The following GALNTL6 variants were observed in gnomAD, a reference collection of about 807,000 sequenced individuals.
GALNTL6 encodes the protein polypeptide N-acetylgalactosaminyltransferase-like 6.
A neutral mutation model predicts 73.7 loss-of-function variants in GALNTL6; 46 were observed. The ratio of observed to expected loss-of-function variants is 0.62; its 90% CI spans 0.49 to 0.80. GALNTL6 has a LOEUF of 0.80. GALNTL6 is among the 30% of genes least tolerant of loss of function. The pLI is 0.00. For missense variants in GALNTL6, 604 were observed against 755.0 expected (o/e 0.80, Z 2.34); for synonymous variants, 259 against 263.7 (o/e 0.98, Z 0.17).
chr4:171,930,381 A>C (rs1460588581), intron 2 of GALNTL6, among the ~76,000 whole-genome samples: 15 of 152,232 alleles, frequency 9.9e-5, no homozygotes, highest in Non-Finnish European at 1.9e-4. Context: ...ACCACAGCCT[A>C]TGCGCCACAC....
intron 2 of GALNTL6, among the ~76,000 whole-genome samples, chr4:172,201,495 G>C (rs1183332263): frequency 6.6e-6 from 1 of 151,616 alleles, no homozygotes; most frequent in East Asian, 1.9e-4. Flanking sequence ...ATGAGCCACG[G>C]CACCGGGACT....
chr4:172,458,371 A>G (rs1415291031), intron 5 of GALNTL6, among the ~76,000 whole-genome samples: 1 of 151,746 alleles, frequency 6.6e-6, no homozygotes, highest in Non-Finnish European at 1.5e-5. Flanking sequence ...AACTAAGATC[A>G]GAGCAGAACT....
At chr4:172,313,823 C>A (rs1208264448) in intron 4 of GALNTL6, among the ~76,000 whole-genome samples, 1 of 152,068 alleles carries the variant, frequency 6.6e-6, no homozygotes, top group Non-Finnish European at 1.5e-5. Flanking sequence ...ACAACAGCAA[C>A]AAAAACCTTG....
At chr4:172,343,821 G>A (rs1347232595) in intron 4 of GALNTL6, among the ~76,000 whole-genome samples, 3 of 151,742 alleles carry the variant, frequency 2.0e-5, no homozygotes, top group Admixed American at 6.6e-5. Flanking sequence ...TTCACGACTT[G>A]TCATTTCTCT....
At chr4:172,000,546 C>A (rs1012448456) in intron 2 of GALNTL6, among the ~76,000 whole-genome samples, 4 of 152,098 alleles carry the variant, frequency 2.6e-5, no homozygotes, top group African/African-American at 9.7e-5. Flanking sequence ...CTTGCCGAAG[C>A]AGGGAAAGGT....
At chr4:172,421,911 A>G (rs1428588394) in intron 5 of GALNTL6, among the ~76,000 whole-genome samples, 1 of 149,802 alleles carries the variant, frequency 6.7e-6, no homozygotes, top group Non-Finnish European at 1.5e-5. Flanking sequence ...AATAGAGTGA[A>G]GAACTATTTT....
intron 3 of GALNTL6, among the ~76,000 whole-genome samples, chr4:172,269,710 T>C (rs1214866427): frequency 6.6e-6 from 1 of 151,588 alleles, no homozygotes; most frequent in African/African-American, 2.4e-5. Flanking sequence ...ATCTGAGTCC[T>C]GTTTTTATGC....
chr4:171,869,936 C>T (rs1315600602), intron 2 of GALNTL6, among the ~76,000 whole-genome samples: 1 of 152,122 alleles, frequency 6.6e-6, no homozygotes. Context: ...TTATAAATTA[C>T]CTAATCTTGG....
intron 9 of GALNTL6, among the ~76,000 whole-genome samples, chr4:172,944,706 G>A (rs1206462001): frequency 1.3e-5 from 2 of 152,220 alleles, no homozygotes; most frequent in Non-Finnish European, 2.9e-5. Context: ...AACAACCCAA[G>A]TGTTCATCAA....
intron 5 of GALNTL6, among the ~76,000 whole-genome samples, chr4:172,649,066 TAA>T (rs1046538148): frequency 1.3e-5 from 2 of 152,176 alleles, no homozygotes; most frequent in African/African-American, 4.8e-5. Context: ...GCATCCAAAC[TAA>T]GTTTATTTTT....
At chr4:172,880,746 A>C (rs1344340366) in intron 7 of GALNTL6, among the ~76,000 whole-genome samples, 1 of 152,184 alleles carries the variant, frequency 6.6e-6, no homozygotes, top group Admixed American at 6.5e-5. Context: ...ACGGTCATTC[A>C]CACCAATCAA....
chr4:172,830,159 T>G (rs977960476), intron 7 of GALNTL6, among the ~76,000 whole-genome samples: 1 of 152,190 alleles, frequency 6.6e-6, no homozygotes, highest in African/African-American at 2.4e-5. Context: ...ATAAAGAGAA[T>G]TTTTCCTAAA....
chr4:172,693,700 A>T (rs1178212335), intron 5 of GALNTL6, among the ~76,000 whole-genome samples: 1 of 152,168 alleles, frequency 6.6e-6, no homozygotes, highest in Non-Finnish European at 1.5e-5. Flanking sequence ...AAAACAGCTG[A>T]TTCTCTGCCT....
At chr4:171,970,495 T>A (rs922634278) in intron 2 of GALNTL6, among the ~76,000 whole-genome samples, 1 of 152,228 alleles carries the variant, frequency 6.6e-6, no homozygotes, top group South Asian at 2.1e-4. Context: ...TTTCCTTCCA[T>A]GTATATTTGA....
intron 2 of GALNTL6, among the ~76,000 whole-genome samples, chr4:172,029,415 G>T (rs1281895305): frequency 6.6e-6 from 1 of 151,960 alleles, no homozygotes; most frequent in Non-Finnish European, 1.5e-5. Flanking sequence ...ATAAAAATTT[G>T]ATTACATATG....
intron 7 of GALNTL6, among the ~76,000 whole-genome samples, chr4:172,879,592 T>A (rs1434622648): frequency 3.3e-5 from 5 of 151,858 alleles, no homozygotes; most frequent in Non-Finnish European, 7.4e-5. Context: ...AAGAACATGA[T>A]GTATTCTTAT....
At position 172,965,381 on chromosome 4, in the gene GALNTL6, T is replaced by C. The variant is rs886163679; in HGVS notation, c.1371+13123T>C. ...GCAGGAGGATCACAAGGTCAGGAGA[T>C]TGAGACCACCCTGTGAATGGTGAAA... On this transcript the variant is annotated intron_variant, in intron 10 of 12. Transcript: ENST00000506823. Among the ~76,000 whole-genome samples the C allele has an allele frequency of 4.6e-5, 7 of 152,076 alleles. No homozygotes were observed. The South Asian group carries it at 1.5e-3, about 32-fold the overall frequency.
At chr4:172,773,226 G>T (rs1738879211) in intron 5 of GALNTL6, among the ~76,000 whole-genome samples, 2 of 152,004 alleles carry the variant, frequency 1.3e-5, no homozygotes, top group Admixed American at 6.6e-5. Flanking sequence ...AGAGATGGGG[G>T]TCTCACTCTG....
intron 5 of GALNTL6, among the ~76,000 whole-genome samples, chr4:172,762,200 C>T (rs1036457534): frequency 6.6e-5 from 10 of 152,266 alleles, no homozygotes; most frequent in South Asian, 4.1e-4. Context: ...CCTGCAAAAG[C>T]GTACTTGAGC....
Sources: gnomAD v4.1 joint callset for allele counts (sites outside exome capture counted in the v4.1 genomes callset) on GRCh38, gnomAD v4.1.1 for gene constraint, MANE v1.5 for transcripts, NCBI Gene and HGNC (gene_info 2026-07-23, HGNC 2026-07-21) for gene names.